Variants in SFMBT2 observed in about 807,000 individuals in gnomAD.
SFMBT2 encodes scm-like with four MBT domains protein 2.
A neutral mutation model predicts 110.1 loss-of-function variants in SFMBT2; 38 were observed. The observed-to-expected ratio is 0.35, with a 90% CI of 0.27 to 0.45. The LOEUF (loss-of-function observed/expected upper bound fraction) is 0.45. SFMBT2 is among the 20% of genes least tolerant of loss of function. The pLI is 1.00. For missense variants in SFMBT2, 1,011 were observed against 1,094.9 expected (o/e 0.92, Z 1.08); for synonymous variants, 425 against 425.4 (o/e 1.00, Z 0.01).
chr10:7,297,852 G>C (rs10905149), intron 4 of SFMBT2, among the ~76,000 whole-genome samples: 1 of 151,992 alleles, frequency 6.6e-6, no homozygotes, highest in Non-Finnish European at 1.5e-5. Flanking sequence ...ATGTGGCCTC[G>C]ACACCTGTAT....
At chr10:7,407,723 G>C (rs527869194) in intron 1 of SFMBT2, among the ~76,000 whole-genome samples, 13 of 152,222 alleles carry the variant, frequency 8.5e-5, no homozygotes, top group Non-Finnish European at 5.9e-5. Flanking sequence ...ACTGCGAGCT[G>C]GTCTCCAGAA....
rs765360601 is a variant in SFMBT2, at chr10:7,188,742, G to GA, written c.1699-10dup. 2.7e-3 allele frequency: 4,292 copies of GA among 1,602,980 alleles called. 10 individuals carry two copies. Among genetic ancestry groups the GA allele is most frequent in the Non-Finnish European group, 3.5e-3 (4,091 of 1,174,138 alleles). On this transcript the variant is annotated splice_polypyrimidine_tract_variant and intron_variant, in intron 15 of 20. Transcript: ENST00000397167. ...ATTATCATGCTAAGAACCTTTTGGG[G>GA]AAAAAAATAAGCAGACTGAGCTGCA... is the stretch of plus-strand genomic sequence containing the variant.
intron 2 of SFMBT2, among the ~76,000 whole-genome samples, chr10:7,374,212 A>C (rs568127544): frequency 4.0e-4 from 61 of 152,276 alleles, no homozygotes; most frequent in African/African-American, 1.3e-3. Flanking sequence ...CAGTGAGCTG[A>C]GATGGTGCCA....
chr10:7,191,069 C>T (rs1838586038), intron 15 of SFMBT2, among the ~76,000 whole-genome samples: 1 of 150,140 alleles, frequency 6.7e-6, no homozygotes, highest in African/African-American at 2.4e-5. Flanking sequence ...GCCTCCCCAG[C>T]CATGTGGATC....
intron 15 of SFMBT2, among the ~76,000 whole-genome samples, chr10:7,190,388 T>G (rs1838560383): frequency 6.6e-6 from 1 of 152,236 alleles, no homozygotes; most frequent in Non-Finnish European, 1.5e-5. Context: ...CAGAGCTGCA[T>G]GTTATTTGCT....
At chr10:7,357,629 T>C (rs999854291) in intron 4 of SFMBT2, among the ~76,000 whole-genome samples, 4 of 152,236 alleles carry the variant, frequency 2.6e-5, no homozygotes, top group Non-Finnish European at 5.9e-5. Context: ...GTACTGACCC[T>C]ATCAGGTCTA....
chr10:7,298,148 G>T (rs995474756), intron 4 of SFMBT2, among the ~76,000 whole-genome samples: 1 of 152,222 alleles, frequency 6.6e-6, no homozygotes. Context: ...GGAATTCCAA[G>T]CAACTGGAGA....
In SFMBT2 at chr10:7,293,392, C is replaced by T. The variant is rs965431912; in HGVS notation, c.437-7438G>A. Among the ~76,000 whole-genome samples, 3 of 151,652 alleles carry T rather than the reference C, an allele frequency of 2.0e-5. No individual in the cohort carries two copies. Among genetic ancestry groups the T allele is most frequent in the African/African-American group, 7.3e-5 (3 of 40,974 alleles). On this transcript the variant is annotated intron_variant, in intron 4 of 20. Coordinates refer to ENST00000397167, the MANE Select transcript of SFMBT2 (RefSeq NM_001387889.1). This position sits in a 1 kb window ranked among gnomAD's most constrained non-coding sequence, Gnocchi z 4.6. ...GGGATTACAAGTGTGAGCCACTGTGCCTGGTCAAAGTATTTTTTTTTAATG... is the reference window on the plus strand; with the variant it reads ...GGGATTACAAGTGTGAGCCACTGTGTCTGGTCAAAGTATTTTTTTTTAATG...
chr10:7,172,493 A>ACCT lies in SFMBT2; in HGVS notation c.2150_2151+1dup, dbSNP rs2131531575. 1 of 1,613,126 alleles carries ACCT rather than the reference A, an allele frequency of 6.2e-7. No individual in the cohort carries two copies. The highest frequency in any genetic ancestry group is 1.1e-5 in the South Asian group (1 of 91,040). ...CTGGCAGGTGCCCCGGGCAGAACATACCTCCCCCGAGCCCGCGGTGAAGTC... is the reference window on the plus strand; with the variant it reads ...CTGGCAGGTGCCCCGGGCAGAACATACCTCCTCCCCCGAGCCCGCGGTGAAGTC... On this transcript the variant is annotated splice_donor_variant, in intron 18 of 20. Transcript: ENST00000397167. LOFTEE classifies it high-confidence loss of function. The surrounding 1 kb of genome is among the most constrained non-coding windows in gnomAD (Gnocchi z 4.6).
intron 11 of SFMBT2, among the ~76,000 whole-genome samples, chr10:7,217,213 T>C (rs997224973): frequency 6.6e-6 from 1 of 152,120 alleles, no homozygotes; most frequent in African/African-American, 2.4e-5. Context: ...AGTTTCAGTT[T>C]TGCAAGACGA....
chr10:7,208,254 C>T (rs1297556513), intron 11 of SFMBT2, among the ~76,000 whole-genome samples: 1 of 152,140 alleles, frequency 6.6e-6, no homozygotes, highest in East Asian at 1.9e-4. Flanking sequence ...GTTCCTGGTA[C>T]ACAAGGTCAT....
chr10:7,172,079 T>C lies in SFMBT2; in HGVS notation c.2231A>G (p.Gln744Arg), dbSNP rs1837890878. 1 of 1,607,402 alleles carries C rather than the reference T, an allele frequency of 6.2e-7. No homozygotes were observed. Among genetic ancestry groups the C allele is most frequent in the South Asian group, 1.1e-5 (1 of 90,192 alleles). Residue 744 changes from glutamine to arginine, a missense_variant, in exon 19 of 21, where the codon CAG becomes CGG. Gln to Arg is a conservative substitution (Grantham distance 43). Coordinates refer to ENST00000397167, the MANE Select transcript of SFMBT2 (RefSeq NM_001387889.1). The surrounding 1 kb of genome is among the most constrained non-coding windows in gnomAD (Gnocchi z 4.6). Reference sequence around the variant, plus strand: ...CACCTCCGCCGACGAGGTGTCCGTCTGGTCATCCCGGAGCTCGGAGCCGGT... The same window carrying C: ...CACCTCCGCCGACGAGGTGTCCGTCCGGTCATCCCGGAGCTCGGAGCCGGT... ...EETGSELRDDQTDTSSAEVPS... is the reference protein window; with the variant it reads ...EETGSELRDDRTDTSSAEVPS...
intron 4 of SFMBT2, among the ~76,000 whole-genome samples, chr10:7,355,468 G>A (rs1353935372): frequency 6.6e-6 from 1 of 152,166 alleles, no homozygotes; most frequent in Non-Finnish European, 1.5e-5. Flanking sequence ...TAGGGTTCCA[G>A]ATTCCCATAT....
In SFMBT2 at chr10:7,172,711, C is replaced by T; in HGVS notation, c.1985-50G>A. On this transcript the variant is annotated intron_variant, in intron 17 of 20. Transcript: ENST00000397167. This position sits in a 1 kb window ranked among gnomAD's most constrained non-coding sequence, Gnocchi z 4.6. Reference sequence around the variant, plus strand: ...TTTGAAGGCTATACACACACACAGACATGAACAGAGAGAGGAGAGAGAAAG... The same window carrying T: ...TTTGAAGGCTATACACACACACAGATATGAACAGAGAGAGGAGAGAGAAAG... 1 of 1,546,428 alleles carries T rather than the reference C, an allele frequency of 6.5e-7. No homozygotes were observed. Among genetic ancestry groups the T allele is most frequent in the Non-Finnish European group, 8.8e-7 (1 of 1,140,088 alleles).
At chr10:7,266,001 G>A (rs762776692) in intron 7 of SFMBT2, among the ~76,000 whole-genome samples, 31 of 152,030 alleles carry the variant, frequency 2.0e-4, no homozygotes, top group Non-Finnish European at 3.1e-4. Context: ...TATAATAGTC[G>A]GGGGAATCAG....
At position 7,365,697 on chromosome 10, in the gene SFMBT2, C is replaced by T. The variant is rs181884281; in HGVS notation, c.436+1952G>A. Among the ~76,000 whole-genome samples the T allele has an allele frequency of 1.2e-4, 19 of 152,242 alleles. No individual in the cohort carries two copies. In the East Asian group the frequency reaches 3.5e-3, roughly 28 times the overall value. ...CTACCATGGGGATGAGCCCTGAGGA[C>T]ACTATGCTTAAGAGAATAAACCAAA... On this transcript the variant is annotated intron_variant, in intron 4 of 20. Transcript: ENST00000397167.
At chr10:7,309,924 G>A (rs774614084) in intron 4 of SFMBT2, among the ~76,000 whole-genome samples, 1 of 151,952 alleles carries the variant, frequency 6.6e-6, no homozygotes, top group Admixed American at 6.6e-5. Flanking sequence ...TCTAGACCAG[G>A]GTTTTTTAAT....
chr10:7,384,146 G>A (rs1244278759), intron 1 of SFMBT2, among the ~76,000 whole-genome samples: 1 of 142,920 alleles, frequency 7.0e-6, no homozygotes, highest in African/African-American at 2.6e-5. Flanking sequence ...GGGAGGCGGA[G>A]GTTGTGGTGA....
At chr10:7,188,454 G>C (rs1011388547) in intron 16 of SFMBT2, among the ~76,000 whole-genome samples, 170 bp downstream of exon 16, 1 of 152,186 alleles carries the variant, frequency 6.6e-6, no homozygotes, top group South Asian at 2.1e-4. Flanking sequence ...AGGCAACGCT[G>C]TATGGCAAAA....
Sources: allele counts gnomAD v4.1 joint callset (sites outside exome capture counted in the v4.1 genomes callset), GRCh38; gene constraint gnomAD v4.1.1; non-coding constraint Gnocchi (gnomAD v3.1); transcripts MANE v1.5; gene names NCBI Gene and HGNC (gene_info 2026-07-23, HGNC 2026-07-21).